PTPRD: variants seen among roughly 807,000 people sequenced by gnomAD.
PTPRD encodes protein tyrosine phosphatase receptor type D.
In PTPRD, 34 loss-of-function variants were observed where a neutral mutation model predicts 214.5. That is an observed-to-expected ratio of 0.16 (90% CI 0.12 to 0.21). The LOEUF (loss-of-function observed/expected upper bound fraction) is 0.21, where lower values mean the gene tolerates loss of function less well. Among genes scored for constraint, PTPRD ranks in the 10% least tolerant of loss-of-function variants. The pLI is 1.00. For synonymous variants in PTPRD, 1,128 were observed against 845.7 expected, an observed-to-expected ratio of 1.33 and a Z score of -5.79; for missense variants, 2,545 against 2,398.7, an observed-to-expected ratio of 1.06 and a Z score of -1.27.
At chr9:10,575,279 C>G (rs1243272758) in intron 2 of PTPRD, among the ~76,000 whole-genome samples, 1 of 151,864 alleles carries the variant, frequency 6.6e-6, no homozygotes, top group Non-Finnish European at 1.5e-5. Context: ...AACAAACAAT[C>G]TTGAAGAATA....
chr9:10,093,732 T>C (rs2098455650), intron 3 of PTPRD, among the ~76,000 whole-genome samples: 2 of 151,408 alleles, frequency 1.3e-5, no homozygotes, highest in East Asian at 3.9e-4. Context: ...CAAAATTTGA[T>C]ACATCTTGGA....
At chr9:9,420,458 G>C (rs1015980777) in intron 8 of PTPRD, among the ~76,000 whole-genome samples, 1 of 151,800 alleles carries the variant, frequency 6.6e-6, no homozygotes, top group Admixed American at 6.6e-5. Context: ...TCTTAAAGTA[G>C]TACTTCTATA....
chr9:9,275,075 T>TA (rs1555158934), intron 9 of PTPRD, among the ~76,000 whole-genome samples: 14 of 76,876 alleles, frequency 1.8e-4, no homozygotes, highest in Non-Finnish European at 3.4e-4. Flanking sequence ...ATTATATATA[T>TA]ATATATAATA....
At chr9:9,198,120 G>C (rs923385593) in intron 9 of PTPRD, among the ~76,000 whole-genome samples, 1 of 152,184 alleles carries the variant, frequency 6.6e-6, no homozygotes, top group African/African-American at 2.4e-5. Flanking sequence ...AATAAAATTT[G>C]AGGTTTATAT....
At chr9:8,953,261 C>G (rs981082307) in intron 11 of PTPRD, among the ~76,000 whole-genome samples, 2 of 151,704 alleles carry the variant, frequency 1.3e-5, no homozygotes, top group Admixed American at 6.6e-5. Context: ...GAGAAATGCC[C>G]AGATAGATAA....
At chr9:9,992,408 T>G (rs1303799099) in intron 4 of PTPRD, among the ~76,000 whole-genome samples, 1 of 152,220 alleles carries the variant, frequency 6.6e-6, no homozygotes, top group Non-Finnish European at 1.5e-5. Flanking sequence ...CTCAAGGATC[T>G]AGAACTAGAA....
intron 35 of PTPRD, among the ~76,000 whole-genome samples, chr9:8,411,700 A>G (rs554284789): frequency 1.3e-5 from 2 of 152,348 alleles, no homozygotes; most frequent in South Asian, 4.1e-4. Context: ...TGCTAGAGGA[A>G]TAAGATCAGC....
chr9:9,093,146 A>G (rs1048677532), intron 10 of PTPRD, among the ~76,000 whole-genome samples: 1 of 152,098 alleles, frequency 6.6e-6, no homozygotes, highest in African/African-American at 2.4e-5. Flanking sequence ...AATCTTAAAT[A>G]TATATACATC....
chr9:8,357,705 T>C (rs2077327814), intron 39 of PTPRD, among the ~76,000 whole-genome samples: 1 of 152,144 alleles, frequency 6.6e-6, no homozygotes, highest in South Asian at 2.1e-4. Flanking sequence ...ATGCTTCTCT[T>C]TGCAGACTTA....
At chr9:10,264,029 C>T (rs901157909) in intron 3 of PTPRD, among the ~76,000 whole-genome samples, 2 of 152,124 alleles carry the variant, frequency 1.3e-5, no homozygotes, top group African/African-American at 4.8e-5. Context: ...GGGTGCTGAG[C>T]CTGCGAGTGC....
In PTPRD at chr9:9,907,071, C is replaced by T. The variant is rs369642448; in HGVS notation, c.-368+31436G>A. Among the ~76,000 whole-genome samples the T allele has an allele frequency of 2.0e-5, 3 of 151,970 alleles. No homozygotes were observed. In the East Asian group the frequency reaches 5.8e-4, roughly 29 times the overall value. ...TACTCTCCCCAACACACACCAAATC[C>T]TTATATGGTCAGTTCCTAATGATGA... On this transcript the variant is annotated intron_variant, in intron 5 of 45. Transcript: ENST00000381196.
intron 5 of PTPRD, among the ~76,000 whole-genome samples, chr9:9,782,992 A>G (rs982363450): frequency 6.6e-6 from 1 of 152,230 alleles, no homozygotes; most frequent in African/African-American, 2.4e-5. Flanking sequence ...TAATCTAAAT[A>G]CATGAAAGTA....
chr9:8,922,146 A>T (rs60084500), intron 11 of PTPRD, among the ~76,000 whole-genome samples: 11,181 of 152,194 alleles, frequency 0.073, 760 homozygotes, highest in East Asian at 0.37. Context: ...GATTAAAAGG[A>T]TGTATTTTGT....
intron 5 of PTPRD, among the ~76,000 whole-genome samples, chr9:9,785,257 C>T (rs1009905658): frequency 2.0e-5 from 3 of 151,864 alleles, no homozygotes; most frequent in Non-Finnish European, 4.4e-5. Flanking sequence ...AGGCAAGATT[C>T]GCAAGGGATA....
chr9:8,854,315 G>C (rs58013521), intron 11 of PTPRD, among the ~76,000 whole-genome samples: 19,880 of 152,128 alleles, frequency 0.13, 3,003 homozygotes, highest in African/African-American at 0.37. Context: ...AAGAAGGGTT[G>C]TTTTAAAATA....
At chr9:9,083,304 G>T (rs1240816899) in intron 10 of PTPRD, among the ~76,000 whole-genome samples, 1 of 152,118 alleles carries the variant, frequency 6.6e-6, no homozygotes, top group Non-Finnish European at 1.5e-5. Flanking sequence ...ATGGGGAAAG[G>T]ATTCCCTATT....
chr9:10,166,683 C>T (rs1483092926), intron 3 of PTPRD, among the ~76,000 whole-genome samples: 1 of 151,956 alleles, frequency 6.6e-6, no homozygotes, highest in East Asian at 1.9e-4. Context: ...CAAAATTGTT[C>T]TTCTTCCCTA....
chr9:9,735,367 C>T (rs994159959), intron 6 of PTPRD, among the ~76,000 whole-genome samples: 2 of 152,016 alleles, frequency 1.3e-5, no homozygotes, highest in Non-Finnish European at 2.9e-5. Flanking sequence ...TGATGGTAGC[C>T]TTTTCCTTTT....
At chr9:8,415,995 C>T (rs1044216340) in intron 35 of PTPRD, among the ~76,000 whole-genome samples, 11 of 152,136 alleles carry the variant, frequency 7.2e-5, no homozygotes, top group African/African-American at 2.4e-4. Context: ...ATTCACCCCA[C>T]TGTGAAGTCA....
Sources: gnomAD v4.1 joint callset for allele counts (sites outside exome capture counted in the v4.1 genomes callset) on GRCh38, gnomAD v4.1.1 for gene constraint, MANE v1.5 for transcripts, NCBI Gene and HGNC (gene_info 2026-07-23, HGNC 2026-07-21) for gene names.